Variants in PITPNM3 observed in about 807,000 individuals in gnomAD.
PITPNM3 encodes the protein PITPNM family member 3, also known as membrane-associated phosphatidylinositol transfer protein 3.
PITPNM3 carries 26 observed loss-of-function variants against 102.0 expected under a neutral mutation model. The ratio of observed to expected loss-of-function variants is 0.25; its 90% confidence interval spans 0.19 to 0.35. PITPNM3 has a LOEUF of 0.35. Among genes scored for constraint, PITPNM3 ranks in the 10% least tolerant of loss-of-function variants. The pLI is 1.00. For missense variants in PITPNM3, 1,083 were observed against 1,346.1 expected (o/e 0.80, Z 3.06); for synonymous variants, 578 against 558.6 (o/e 1.03, Z -0.49).
At chr17:6,484,724 T>C (rs1428099455) in intron 4 of PITPNM3, among the ~76,000 whole-genome samples, 4 of 152,210 alleles carry the variant, frequency 2.6e-5, no homozygotes, top group African/African-American at 7.2e-5. Flanking sequence ...TTGACTGGGC[T>C]GAGAGGTGCC....
chr17:6,489,110 CTAAT>C (rs1906273164), intron 4 of PITPNM3, among the ~76,000 whole-genome samples: 2 of 152,202 alleles, frequency 1.3e-5, no homozygotes, highest in African/African-American at 4.8e-5. Flanking sequence ...ATCATCCCCT[CTAAT>C]TACCAATGCG....
chr17:6,460,009 C>T (rs895208648), intron 18 of PITPNM3, among the ~76,000 whole-genome samples: 2 of 152,126 alleles, frequency 1.3e-5, no homozygotes, highest in Non-Finnish European at 2.9e-5. Context: ...CCAATGGGAT[C>T]TTTCTATAAG....
intron 17 of PITPNM3, among the ~76,000 whole-genome samples, chr17:6,462,906 T>C (rs2280114): frequency 0.41 from 61,604 of 151,872 alleles, 13,125 homozygotes; most frequent in Middle Eastern, 0.64. Context: ...GGGAGCACCC[T>C]GGAGCCCATG....
chr17:6,528,677 C>T (rs538329550), intron 2 of PITPNM3, among the ~76,000 whole-genome samples: 7 of 152,226 alleles, frequency 4.6e-5, no homozygotes, highest in South Asian at 4.2e-4. Flanking sequence ...CCTGCCCCTC[C>T]GCCCATCCCT....
At chr17:6,475,851 G>A (rs890788256) in intron 9 of PITPNM3, among the ~76,000 whole-genome samples, 1 of 152,208 alleles carries the variant, frequency 6.6e-6, no homozygotes, top group Non-Finnish European at 1.5e-5. Flanking sequence ...GAAGGTAGCT[G>A]CTTTTCTAAA....
intron 3 of PITPNM3, among the ~76,000 whole-genome samples, chr17:6,516,873 A>T (rs1908219607): frequency 6.6e-6 from 1 of 152,128 alleles, no homozygotes; most frequent in Admixed American, 6.6e-5. Context: ...CTATTAAAAA[A>T]AGAAAGAAAG....
chr17:6,488,549 A>C (rs1040717885), intron 4 of PITPNM3, among the ~76,000 whole-genome samples: 11 of 152,180 alleles, frequency 7.2e-5, no homozygotes, highest in African/African-American at 2.7e-4. Flanking sequence ...CCCAGGATGC[A>C]CACATCCTGT....
At chr17:6,545,765 G>T (rs356050) in intron 1 of PITPNM3, among the ~76,000 whole-genome samples, 110,442 of 152,066 alleles carry the variant, frequency 0.73, 40,679 homozygotes, top group African/African-American at 0.84. Context: ...TCTCCTTGTG[G>T]GTCCTTCATG....
At chr17:6,547,791 A>C (rs1176722744) in intron 1 of PITPNM3, among the ~76,000 whole-genome samples, 4 of 151,214 alleles carry the variant, frequency 2.6e-5, no homozygotes, top group African/African-American at 9.7e-5. Context: ...GCTGGAGTGC[A>C]ATGCCACGAT....
chr17:6,556,339 TCCCTCCCCCGGGCCCCGGCCCTG>T lies in PITPNM3; in HGVS notation c.22+23_22+45del. On this transcript the variant is annotated intron_variant, in intron 1 of 19. Coordinates refer to ENST00000262483, the MANE Select transcript of PITPNM3 (RefSeq NM_031220.4). The surrounding 1 kb of genome is among the most constrained non-coding windows in gnomAD (Gnocchi z 5.2). ...GCGGCCCCTCCTCTAGACGCGCGAG[TCCCTCCCCCGGGCCCCGGCCCTG>T]CCCTCCCCGCGCCCGCCCTCACCTG... 7.2e-7 allele frequency: 1 copy of T among 1,387,758 alleles called. No individual in the cohort carries two copies. 86.0% of individuals were successfully genotyped at this position (1,387,758 alleles called of 1,614,324 possible).
Position 6,496,831 on chromosome 17 carries a change from T to C in PITPNM3, c.274+6696A>G, listed in dbSNP as rs570415658. Among the ~76,000 whole-genome samples the C allele has an allele frequency of 2.6e-5, 4 of 152,280 alleles. No homozygotes were observed. In the South Asian group the frequency reaches 8.3e-4, roughly 32 times the overall value. The stretch of plus-strand genomic sequence containing the variant: ...GCCCCAGCAAAGCCCAGATGCTATG[T>C]AGATAGACTTGTATATGCGCACAGA... On this transcript the variant is annotated intron_variant, in intron 4 of 19. Transcript: ENST00000262483.
intron 10 of PITPNM3, chr17:6,473,087 C>T: frequency 3.7e-6 from 2 of 541,904 alleles, no homozygotes; most frequent in Non-Finnish European, 6.7e-6. Flanking sequence ...TTCTCTGAGC[C>T]TTTGCTCAAA....
At chr17:6,554,493 G>C (rs1020461614) in intron 1 of PITPNM3, among the ~76,000 whole-genome samples, 2 of 152,138 alleles carry the variant, frequency 1.3e-5, no homozygotes, top group Non-Finnish European at 2.9e-5. Flanking sequence ...TTGCCTCGAG[G>C]GAAAGGGCCA....
intron 10 of PITPNM3, among the ~76,000 whole-genome samples, chr17:6,473,573 G>A (rs1165095289): frequency 2.0e-5 from 3 of 152,132 alleles, no homozygotes; most frequent in Non-Finnish European, 4.4e-5. Context: ...AGCCTCAGAC[G>A]GTCTGTACTT....
At position 6,464,264 on chromosome 17, in the gene PITPNM3, T is replaced by C; in HGVS notation, c.2062A>G (p.Thr688Ala). Residue 688 changes from threonine (T) to alanine (A), a missense_variant, in exon 16 of 20, where the codon ACA becomes GCA. Physicochemically the swap from Thr to Ala is moderately conservative, Grantham distance 58 (BLOSUM62 0). Coordinates refer to ENST00000262483, the MANE Select transcript of PITPNM3 (RefSeq NM_031220.4). ...CGACCACTGCTGTTGGTGATCTCTG[T>C]GTCCAGGTGTACCCAGCGGCCTGAG... ...PSSGRWVHLD[T>A]EITNSSGRIT... 6.2e-7 allele frequency: 1 copy of C among 1,614,178 alleles called. No homozygotes were observed. Among genetic ancestry groups the C allele is most frequent in the Non-Finnish European group, 8.5e-7 (1 of 1,180,020 alleles).
intron 1 of PITPNM3, among the ~76,000 whole-genome samples, chr17:6,541,882 GTGCGGCATGCCAGGCAGTCTGCTAGC>G (rs1387937282): frequency 6.6e-6 from 1 of 152,238 alleles, no homozygotes; most frequent in Admixed American, 6.5e-5. Flanking sequence ...TGCTTGGTGA[GTGCGGCATGCCAGGCAGTCTGCTAGC>G]TGCTTTTCAG....
chr17:6,555,951 T>C (rs1313519960), intron 1 of PITPNM3, among the ~76,000 whole-genome samples: 1 of 149,048 alleles, frequency 6.7e-6, no homozygotes, highest in East Asian at 2.0e-4. Context: ...GGGCGGGGGG[T>C]TGTGGCGTCC....
rs1267265574 is a variant in PITPNM3, at chr17:6,451,881, C to A, written c.*3457G>T. ...GGGCACTTGGCACCCAAACCCCCCC[C>A]CCCCGCCCGCCGATGGGATTCGGTG... On this transcript the variant is annotated 3_prime_UTR_variant, in exon 20 of 20. Transcript: ENST00000262483. The A allele has an allele frequency of 2.7e-5, 1 of 37,110 alleles. No homozygotes were observed. The highest frequency in any genetic ancestry group is 6.0e-5 in the Non-Finnish European group (1 of 16,762). 2.3% of individuals were successfully genotyped at this position (37,110 alleles called of 1,614,324 possible).
At chr17:6,473,101 T>A in intron 10 of PITPNM3, 4 of 501,962 alleles carry the variant, frequency 8.0e-6, no homozygotes, top group African/African-American at 1.9e-5. Flanking sequence ...GCTCAAAACA[T>A]CCCTTCTCCT....
Sources: allele counts gnomAD v4.1 joint callset (sites outside exome capture counted in the v4.1 genomes callset), GRCh38; gene constraint gnomAD v4.1.1; non-coding constraint Gnocchi (gnomAD v3.1); transcripts MANE v1.5; gene names NCBI Gene and HGNC (gene_info 2026-07-23, HGNC 2026-07-21).